Variants in SLC13A3 observed in about 807,000 individuals in gnomAD.
The protein encoded by SLC13A3 is Na(+)/dicarboxylate cotransporter 3.
A neutral mutation model predicts 59.0 loss-of-function variants in SLC13A3; 40 were observed. That is an observed-to-expected ratio of 0.68 (90% CI 0.53 to 0.88). The LOEUF (loss-of-function observed/expected upper bound fraction) is 0.88. Among genes scored for constraint, SLC13A3 ranks in the 40% least tolerant of loss-of-function variants. SLC13A3 has a pLI of 0.00. For missense variants in SLC13A3, 699 were observed against 783.2 expected, an observed-to-expected ratio of 0.89 and a Z score of 1.28; for synonymous variants, 317 against 330.3, an observed-to-expected ratio of 0.96 and a Z score of 0.44.
chr20:46,603,680 G>A (rs546315042), intron 3 of SLC13A3, among the ~76,000 whole-genome samples: 14 of 151,826 alleles, frequency 9.2e-5, no homozygotes, highest in African/African-American at 2.9e-4. Context: ...GAACTACCAC[G>A]CCTGGGCTGA....
chr20:46,632,467 A>G (rs752255123), intron 1 of SLC13A3, among the ~76,000 whole-genome samples: 294 of 94,628 alleles, frequency 3.1e-3, no homozygotes, highest in African/African-American at 0.016. Flanking sequence ...CCAAGGGGGA[A>G]AAAAAAAAAA....
At chr20:46,571,959 T>C (rs970945971) in intron 10 of SLC13A3, among the ~76,000 whole-genome samples, 1 of 151,958 alleles carries the variant, frequency 6.6e-6, no homozygotes, top group Non-Finnish European at 1.5e-5. Context: ...GAGAGGTAGG[T>C]GCCAATGTTG....
intron 6 of SLC13A3, 131 bp downstream of exon 6, chr20:46,592,261 CTACATACATACA>C: frequency 8.2e-6 from 8 of 969,898 alleles, no homozygotes; most frequent in Non-Finnish European, 1.2e-5. Context: ...ATATACATAC[CTACATACATACA>C]TACATAAAAG....
intron 9 of SLC13A3, among the ~76,000 whole-genome samples, chr20:46,579,121 C>G (rs2062109354): frequency 2.6e-5 from 4 of 151,890 alleles, no homozygotes. Flanking sequence ...GTCTCTTTGT[C>G]TCTCTCTCCC....
chr20:46,568,281 C>T (rs2061998127), intron 10 of SLC13A3, among the ~76,000 whole-genome samples: 2 of 151,330 alleles, frequency 1.3e-5, no homozygotes, highest in African/African-American at 2.4e-5. Flanking sequence ...GCCTGTAATC[C>T]TAGCTACCCA....
chr20:46,583,010 C>T, intron 9 of SLC13A3: 2 of 985,974 alleles, frequency 2.0e-6, no homozygotes, highest in Non-Finnish European at 2.4e-6. Flanking sequence ...ACGGTTGAAA[C>T]CCAGCTTGTG....
intron 8 of SLC13A3, chr20:46,585,163 T>G: frequency 1.0e-6 from 1 of 984,788 alleles, no homozygotes; most frequent in Non-Finnish European, 1.2e-6. Context: ...AAGAATGGAG[T>G]AAGTCCAAAT....
intron 9 of SLC13A3, chr20:46,583,281 T>C: frequency 1.3e-6 from 1 of 749,160 alleles, no homozygotes; most frequent in Non-Finnish European, 1.7e-6. Flanking sequence ...GTTTTTCTTT[T>C]GGTTTTTTTT....
chr20:46,609,477 G>T (rs1353947624), intron 3 of SLC13A3, among the ~76,000 whole-genome samples: 1 of 152,062 alleles, frequency 6.6e-6, no homozygotes, highest in Non-Finnish European at 1.5e-5. Context: ...ATAATTGATT[G>T]GGTCTTTTTA....
At chr20:46,585,876 A>G (rs1248711964) in intron 8 of SLC13A3, 7 of 1,077,162 alleles carry the variant, frequency 6.5e-6, no homozygotes, top group Non-Finnish European at 8.3e-6. Flanking sequence ...TATGTCACCC[A>G]TTTTACCAGG....
At chr20:46,663,921 C>A (rs1227728153) in intron 1 of SLC13A3, among the ~76,000 whole-genome samples, 1 of 152,136 alleles carries the variant, frequency 6.6e-6, no homozygotes, top group Non-Finnish European at 1.5e-5. Context: ...CTTCATGCAC[C>A]AAATCCCTGA....
intron 1 of SLC13A3, among the ~76,000 whole-genome samples, chr20:46,660,633 T>G (rs2063023721): frequency 6.6e-6 from 1 of 152,220 alleles, no homozygotes; most frequent in Non-Finnish European, 1.5e-5. Context: ...TATATTTATT[T>G]ACTCGGAGTT....
intron 1 of SLC13A3, among the ~76,000 whole-genome samples, chr20:46,636,067 C>T (rs1326173205): frequency 1.3e-5 from 2 of 152,132 alleles, no homozygotes; most frequent in African/African-American, 2.4e-5. Context: ...AGCAGATGAT[C>T]GAGAAATAAC....
rs565419608 is a variant in SLC13A3, at chr20:46,621,289, C to CATCT, written c.112-7568_112-7565dup. Among the ~76,000 whole-genome samples, 1,381 of 152,190 alleles carry CATCT rather than the reference C, an allele frequency of 9.1e-3. 26 individuals are homozygous for CATCT. The highest frequency in any genetic ancestry group is 0.031 in the African/African-American group (1,285 of 41,522). ...AGAGTTTTAATGGGGAATCATTAGG[C>CATCT]ATCTGTCTTATGGTCCTGATATGGT... is the stretch of plus-strand genomic sequence containing the variant. On this transcript the variant is annotated intron_variant, in intron 1 of 12. Transcript: ENST00000279027.
At chr20:46,656,129 A>G (rs1167981538), upstream of SLC13A3, among the ~76,000 whole-genome samples, 1 of 141,972 alleles carries the variant, frequency 7.0e-6, no homozygotes, top group African/African-American at 2.6e-5. Flanking sequence ...ATAATATACC[A>G]CACAGTCTAT....
chr20:46,623,607 A>G (rs1438150028), intron 1 of SLC13A3, among the ~76,000 whole-genome samples: 2 of 152,188 alleles, frequency 1.3e-5, no homozygotes, highest in Non-Finnish European at 2.9e-5. Context: ...CATGCATACA[A>G]TGCTGTGTCC....
chr20:46,609,972 G>A (rs1243236522), intron 3 of SLC13A3, among the ~76,000 whole-genome samples: 1 of 152,106 alleles, frequency 6.6e-6, no homozygotes, highest in Admixed American at 6.5e-5. Flanking sequence ...CTCTAACCCA[G>A]TCCACACTCT....
intron 11 of SLC13A3, among the ~76,000 whole-genome samples, chr20:46,564,686 G>A (rs861025): frequency 0.13 from 20,304 of 152,018 alleles, 1,972 homozygotes; most frequent in East Asian, 0.26. Context: ...CATCTCTAAC[G>A]ACATTTTAAA....
intron 3 of SLC13A3, chr20:46,608,698 ACG>A: frequency 1.5e-6 from 1 of 682,292 alleles, no homozygotes; most frequent in Non-Finnish European, 2.3e-6. Flanking sequence ...TAGATGGTAC[ACG>A]GATCAACATT....
Sources: gnomAD v4.1 joint callset for allele counts (sites outside exome capture counted in the v4.1 genomes callset) on GRCh38, gnomAD v4.1.1 for gene constraint, MANE v1.5 for transcripts, NCBI Gene and HGNC (gene_info 2026-07-23, HGNC 2026-07-21) for gene names.